Variants in RIPOR2 observed in about 807,000 individuals in gnomAD.
The protein encoded by RIPOR2 is RHO family interacting cell polarization regulator 2, also known as rho family-interacting cell polarization regulator 2.
A neutral mutation model predicts 114.5 loss-of-function variants in RIPOR2; 39 were observed. The ratio of observed to expected loss-of-function variants is 0.34; its 90% CI spans 0.26 to 0.44. RIPOR2 has a LOEUF of 0.44. RIPOR2 is among the 20% of genes least tolerant of loss of function. The pLI is 1.00. For missense variants in RIPOR2, 1,007 were observed against 1,255.1 expected (o/e 0.80, Z 2.99); for synonymous variants, 445 against 484.4 (o/e 0.92, Z 1.07).
chr6:24,823,894 T>A (rs1186344045), intron 19 of RIPOR2, among the ~76,000 whole-genome samples: 1 of 152,142 alleles, frequency 6.6e-6, no homozygotes, highest in African/African-American at 2.4e-5. Context: ...GTAGCTGGGA[T>A]TACAAGCATG....
rs545165567 is a variant in RIPOR2 at position 24,883,210 on chromosome 6, T to G, written c.62-7393A>C. ...TTACTGATAGAAAATATGAGACACA[T>G]CTGTGATTTCTGAATGACATGAGTA... is the stretch of plus-strand genomic sequence containing the variant. On this transcript the variant is annotated intron_variant, in intron 1 of 21. Transcript: ENST00000643898. This position sits in a 1 kb window ranked among gnomAD's most constrained non-coding sequence, Gnocchi z 4.1. Among the ~76,000 whole-genome samples the G allele has an allele frequency of 6.6e-6, 1 of 152,288 alleles. No homozygotes were observed. The highest frequency in any genetic ancestry group is 2.1e-4 in the South Asian group (1 of 4,830).
chr6:24,888,872 A>G (rs1767071398), intron 1 of RIPOR2, among the ~76,000 whole-genome samples: 1 of 152,230 alleles, frequency 6.6e-6, no homozygotes, highest in Admixed American at 6.5e-5. Flanking sequence ...AATAGCTGAC[A>G]ACATTACTCA....
At chr6:24,877,449 G>A (rs761574106) in intron 1 of RIPOR2, 3 of 633,314 alleles carry the variant, frequency 4.7e-6, no homozygotes, top group Non-Finnish European at 5.9e-6. Flanking sequence ...CTGGGGAGGA[G>A]CAGCTTACAT....
intron 21 of RIPOR2, among the ~76,000 whole-genome samples, chr6:24,806,887 T>C (rs1780806277): frequency 6.6e-6 from 1 of 152,232 alleles, no homozygotes; most frequent in South Asian, 2.1e-4. Context: ...ATCTAAATGA[T>C]ATGTGGTAAA....
At chr6:24,970,812 T>C (rs1043383422) in intron 1 of RIPOR2, among the ~76,000 whole-genome samples, 6 of 152,126 alleles carry the variant, frequency 3.9e-5, no homozygotes, top group African/African-American at 1.2e-4. Flanking sequence ...CATTGTGTAG[T>C]GGTAGGAGTC....
Position 24,839,232 on chromosome 6 carries a change from C to T in RIPOR2, c.1898G>A (p.Ser633Asn). Residue 633 changes from serine (S) to asparagine (N), a missense_variant, in exon 14 of 22, where the codon AGT (serine) becomes AAT (asparagine). Coordinates refer to ENST00000643898, the MANE Select transcript of RIPOR2 (RefSeq NM_001286445.3). ...AVSRSRSSSL[S>N]LTVESALESF... is the part of the protein sequence containing the mutation. ...TTCTAAAGCACTTTCAACTGTGAGACTTAAACTGGAAGACCTGCTGCGGCT... is the reference window on the plus strand; with the variant it reads ...TTCTAAAGCACTTTCAACTGTGAGATTTAAACTGGAAGACCTGCTGCGGCT... 1 of 1,551,892 alleles carries T rather than the reference C, an allele frequency of 6.4e-7. No individual in the cohort carries two copies. The highest frequency in any genetic ancestry group is 8.7e-7 in the Non-Finnish European group (1 of 1,147,022).
chr6:24,926,108 A>T (rs945424461), intron 1 of RIPOR2, among the ~76,000 whole-genome samples: 8 of 152,242 alleles, frequency 5.3e-5, no homozygotes, highest in African/African-American at 1.9e-4. Flanking sequence ...AATACTTAAT[A>T]TATACAACAT....
chr6:25,023,782 G>A (rs925083844), intron 1 of RIPOR2: 1 of 791,686 alleles, frequency 1.3e-6, no homozygotes, highest in Non-Finnish European at 2.2e-6. Context: ...CATCGTTGAC[G>A]TTGGTCACCT....
At chr6:24,920,148 A>T (rs1250446527) in intron 1 of RIPOR2, among the ~76,000 whole-genome samples, 2 of 152,198 alleles carry the variant, frequency 1.3e-5, no homozygotes, top group Non-Finnish European at 2.9e-5. Flanking sequence ...GAGACAGATA[A>T]ATCTCCTTTG....
chr6:24,985,528 A>G (rs933040248), intron 1 of RIPOR2, among the ~76,000 whole-genome samples: 7 of 152,218 alleles, frequency 4.6e-5, no homozygotes, highest in Non-Finnish European at 1.0e-4. Flanking sequence ...AATGGAAGGC[A>G]GTCAGTTACC....
intron 1 of RIPOR2, among the ~76,000 whole-genome samples, chr6:24,878,787 AAAAAG>A (rs1411486288): frequency 2.6e-5 from 4 of 152,316 alleles, no homozygotes; most frequent in South Asian, 2.1e-4. Context: ...AGGCAGAAAA[AAAAAG>A]AAAAGATACC....
At chr6:24,975,591 G>C (rs1270350925) in intron 1 of RIPOR2, among the ~76,000 whole-genome samples, 2 of 152,184 alleles carry the variant, frequency 1.3e-5, no homozygotes, top group African/African-American at 2.4e-5. Context: ...TCTGAGGCAG[G>C]AGGATTGCTT....
intron 1 of RIPOR2, among the ~76,000 whole-genome samples, chr6:24,914,015 C>A (rs1322676806): frequency 6.6e-6 from 1 of 152,080 alleles, no homozygotes; most frequent in Non-Finnish European, 1.5e-5. Flanking sequence ...GTATTTTCCC[C>A]CCTCACATAT....
At chr6:24,957,157 A>T (rs1773075879) in intron 1 of RIPOR2, among the ~76,000 whole-genome samples, 1 of 152,256 alleles carries the variant, frequency 6.6e-6, no homozygotes, top group Non-Finnish European at 1.5e-5. Flanking sequence ...AGTAGCATTT[A>T]TAAAGGATGC....
chr6:24,843,457 G>C lies in RIPOR2; in HGVS notation c.1262C>G (p.Ala421Gly), dbSNP rs1187020758. 6.2e-7 allele frequency: 1 copy of C among 1,609,830 alleles called. No individual in the cohort carries two copies. The highest frequency in any genetic ancestry group is 1.1e-5 in the South Asian group (1 of 90,976). ...GGAGCCTGTTGAGTGGGAGGTGAGGGCGCAGTCCCCGTTGGGCAGGTCACT... is the reference window on the plus strand; with the variant it reads ...GGAGCCTGTTGAGTGGGAGGTGAGGCCGCAGTCCCCGTTGGGCAGGTCACT... ...SFSDLPNGDCALTSHSTGSPS... is the reference protein window; with the variant it reads ...SFSDLPNGDCGLTSHSTGSPS... The change falls in exon 13 of 22, where the codon GCC becomes GGC. Residue 421 changes from alanine to glycine, a missense_variant. Transcript: ENST00000643898.
rs149027797 is a variant in RIPOR2, at chr6:25,006,967, G to A, written c.76+34884C>T. Among the ~76,000 whole-genome samples, 170 of 152,334 alleles carry A rather than the reference G, an allele frequency of 1.1e-3. 1 individual carries two copies. In the East Asian group the frequency reaches 0.029, roughly 26 times the overall value. On this transcript the variant is annotated intron_variant, in intron 1 of 13. Coordinates refer to the RIPOR2 transcript ENST00000510784. Reference sequence around the variant, plus strand: ...GGACCCTGTGGCTCTGGAATGGAACGCTGTGGGAATCCCAGTGCCAGGCTC... The same window carrying A: ...GGACCCTGTGGCTCTGGAATGGAACACTGTGGGAATCCCAGTGCCAGGCTC...
At chr6:25,007,834 C>T (rs1775617627) in intron 1 of RIPOR2, among the ~76,000 whole-genome samples, 1 of 151,858 alleles carries the variant, frequency 6.6e-6, no homozygotes, top group Non-Finnish European at 1.5e-5. Flanking sequence ...CATTGATATC[C>T]GGGAGGGACC....
intron 1 of RIPOR2, among the ~76,000 whole-genome samples, chr6:25,036,042 C>T (rs1423669017): frequency 1.3e-5 from 2 of 152,084 alleles, no homozygotes; most frequent in Non-Finnish European, 2.9e-5. Context: ...CCTTCGAAGT[C>T]CCACAGCCCC....
chr6:25,019,944 C>A (rs1475765726), intron 1 of RIPOR2, among the ~76,000 whole-genome samples: 1 of 151,374 alleles, frequency 6.6e-6, no homozygotes, highest in Non-Finnish European at 1.5e-5. Flanking sequence ...AGAAGACTAC[C>A]AAAACTGAAT....
Sources: allele counts gnomAD v4.1 joint callset (sites outside exome capture counted in the v4.1 genomes callset), GRCh38; gene constraint gnomAD v4.1.1; non-coding constraint Gnocchi (gnomAD v3.1); transcripts MANE v1.5; gene names NCBI Gene and HGNC (gene_info 2026-07-23, HGNC 2026-07-21).